Variants in MYSM1 observed in about 807,000 individuals in gnomAD.
The protein encoded by MYSM1 is Myb like, SWIRM and MPN domains 1.
Under a neutral mutation model 116.0 loss-of-function variants are expected in MYSM1, and 51 were observed. The ratio of observed to expected loss-of-function variants is 0.44; its 90% CI spans 0.35 to 0.56. The LOEUF (loss-of-function observed/expected upper bound fraction) is 0.56. Ranked by LOEUF, MYSM1 falls within the 20% of genes least tolerant of loss-of-function variation. The probability of loss-of-function intolerance (pLI) is 0.00; values close to 1 mark genes in which losing one functional copy is unlikely to be tolerated. For missense variants in MYSM1, 900 were observed against 974.9 expected, an observed-to-expected ratio of 0.92 and a Z score of 1.02; for synonymous variants, 313 against 315.2, an observed-to-expected ratio of 0.99 and a Z score of 0.07.
chr1:58,678,477 C>T (rs1644689036), intron 8 of MYSM1, among the ~76,000 whole-genome samples: 1 of 152,072 alleles, frequency 6.6e-6, no homozygotes, highest in South Asian at 2.1e-4. Context: ...AAAATATGTT[C>T]ATGGAATAAT....
Position 58,657,433 on chromosome 1 carries a change from C to T in MYSM1, c.*2564G>A, listed in dbSNP as rs1443392879. 1 of 152,166 alleles carries T rather than the reference C, an allele frequency of 6.6e-6. No homozygotes were observed. Among genetic ancestry groups the T allele is most frequent in the African/African-American group, 2.4e-5 (1 of 41,434 alleles). The allele number at this position is 152,166 out of a possible 1,614,324, so 9.4% of individuals were successfully genotyped here. ...CATAGGCCCCCTCAGTTCTAGACTT[C>T]CTCTGTGCTTCTACAAGGCCCTGGC... On this transcript the variant is annotated 3_prime_UTR_variant, in exon 20 of 20. Coordinates refer to ENST00000472487, the MANE Select transcript of MYSM1 (RefSeq NM_001085487.3).
chr1:58,695,246 A>T, intron 1 of MYSM1, 39 bp from the exon 2 acceptor site: 1 of 1,282,692 alleles, frequency 7.8e-7, no homozygotes. Flanking sequence ...AGTGAAAATC[A>T]TATTAGTTAA....
chr1:58,659,883 A>G lies in MYSM1; in HGVS notation c.*114T>C. On this transcript the variant is annotated 3_prime_UTR_variant, in exon 20 of 20. Coordinates refer to ENST00000472487, the MANE Select transcript of MYSM1 (RefSeq NM_001085487.3). ...TATGTGGCAAAGTTTGGATTTTGTG[A>G]AATAGAGAAAAAATACCAAAGCTGT... The G allele has an allele frequency of 1.4e-6, 1 of 730,984 alleles. No homozygotes were observed. Among genetic ancestry groups the G allele is most frequent in the Non-Finnish European group, 2.1e-6 (1 of 478,916 alleles). 45.3% of individuals were successfully genotyped at this position (730,984 alleles called of 1,614,324 possible). A position where few individuals can be genotyped will look rare whatever the true frequency, so the allele number is the denominator to read the frequency against.
Position 58,661,223 on chromosome 1 carries a change from C to T in MYSM1, c.2275G>A (p.Val759Ile), listed in dbSNP as rs772421753. The T allele has an allele frequency of 2.3e-5, 37 of 1,612,560 alleles. No homozygotes were observed. In the Middle Eastern group the frequency reaches 9.9e-4, roughly 43 times the overall value. ...IEKYRLSHSS[V>I]PMDKIFRRDS... ...CGGCGAAAGATTTTATCCATGGGGA[C>T]GCTGCTGTAGGAAGAAATATGAAAA... The change falls in exon 19 of 20, where the codon GTC becomes ATC. Residue 759 changes from valine (V) to isoleucine (I), a missense_variant. Around this residue, in one of 3 missense-constraint regions of MYSM1, gnomAD observed 186 missense variants for 196.2 expected, o/e 0.95. Coordinates refer to ENST00000472487, the MANE Select transcript of MYSM1 (RefSeq NM_001085487.3).
At chr1:58,670,500 A>G (rs1486213660) in intron 12 of MYSM1, among the ~76,000 whole-genome samples, 2 of 152,246 alleles carry the variant, frequency 1.3e-5, no homozygotes, top group African/African-American at 2.4e-5. Flanking sequence ...TCCTTAACCA[A>G]GTGAAGAGGT....
chr1:58,670,255 T>C (rs921627595), intron 12 of MYSM1, among the ~76,000 whole-genome samples: 11 of 152,068 alleles, frequency 7.2e-5, no homozygotes, highest in East Asian at 1.9e-4. Flanking sequence ...AAGGCCAAGA[T>C]AGATGAGAAA....
At chr1:58,699,424 GCCCAAGGTC>G (rs1265533311) in intron 1 of MYSM1, among the ~76,000 whole-genome samples, 1 of 152,154 alleles carries the variant, frequency 6.6e-6, no homozygotes, top group Non-Finnish European at 1.5e-5. Flanking sequence ...TAAGTGTCTT[GCCCAAGGTC>G]ACATTGCTAT....
chr1:58,698,944 G>C (rs1470589204), intron 1 of MYSM1, among the ~76,000 whole-genome samples: 2 of 152,126 alleles, frequency 1.3e-5, no homozygotes, highest in Non-Finnish European at 1.5e-5. Flanking sequence ...GTTCACAGAG[G>C]CCCTAATATT....
intron 8 of MYSM1, among the ~76,000 whole-genome samples, chr1:58,677,686 G>A (rs948166204): frequency 6.6e-5 from 10 of 152,090 alleles, no homozygotes; most frequent in African/African-American, 2.4e-4. Flanking sequence ...TATACTTAAT[G>A]TACCTTGCTA....
intron 10 of MYSM1, among the ~76,000 whole-genome samples, chr1:58,674,675 C>T (rs1436165732): frequency 2.0e-5 from 3 of 151,976 alleles, no homozygotes; most frequent in Admixed American, 6.5e-5. Flanking sequence ...CCTGTAATCC[C>T]AGCACTTCGG....
At chr1:58,691,771 G>C (rs1228809208) in intron 3 of MYSM1, among the ~76,000 whole-genome samples, 1 of 152,080 alleles carries the variant, frequency 6.6e-6, no homozygotes, top group East Asian at 1.9e-4. Context: ...GGAGGCTGAG[G>C]CAGGAGAATC....
chr1:58,699,797 T>C, intron 1 of MYSM1, 188 bp downstream of exon 1: 1 of 985,362 alleles, frequency 1.0e-6, no homozygotes, highest in Non-Finnish European at 1.2e-6. Flanking sequence ...GAGCTCCAGG[T>C]AACCGCCCTG....
intron 15 of MYSM1, 116 bp downstream of exon 15, chr1:58,667,731 C>CAT (rs964904069): frequency 1.2e-5 from 8 of 671,764 alleles, no homozygotes; most frequent in Non-Finnish European, 2.1e-5. Context: ...TGCATATTCT[C>CAT]ATATATATCA....
At chr1:58,678,203 T>C (rs1209720778) in intron 8 of MYSM1, among the ~76,000 whole-genome samples, 2 of 152,154 alleles carry the variant, frequency 1.3e-5, no homozygotes, top group Non-Finnish European at 2.9e-5. Context: ...TAGGCCTCAC[T>C]AAGCAGAATA....
chr1:58,672,051 G>T, intron 11 of MYSM1, 93 bp from the exon 12 acceptor site: 1 of 932,972 alleles, frequency 1.1e-6, no homozygotes, highest in South Asian at 1.5e-5. Flanking sequence ...GGGCATGTGA[G>T]GACAAGAGAG....
intron 1 of MYSM1, among the ~76,000 whole-genome samples, chr1:58,698,936 T>A (rs1645023082): frequency 6.6e-6 from 1 of 152,210 alleles, no homozygotes; most frequent in African/African-American, 2.4e-5. Context: ...TCTCCCCTGT[T>A]CACAGAGGCC....
intron 7 of MYSM1, 140 bp from the exon 8 acceptor site, chr1:58,682,685 CTTTTTTTTCT>C (rs1644765589): frequency 9.0e-6 from 3 of 332,340 alleles, no homozygotes; most frequent in Non-Finnish European, 1.4e-5. Flanking sequence ...ATGCGCTTTT[CTTTTTTTTCT>C]TTTCTTTTTT....
rs1374592754 is a variant in MYSM1 at position 58,658,503 on chromosome 1, TG to T, written c.*1493del. On this transcript the variant is annotated 3_prime_UTR_variant, in exon 20 of 20. Transcript: ENST00000472487. ...GAATTAAGGCTCAGGGAAAGTAAAC[TG>T]TATCTCCCCAAATCACAAAGTTGAG... The T allele has an allele frequency of 1.5e-4, 23 of 152,168 alleles. 1 individual carries two copies. Among genetic ancestry groups the T allele is most frequent in the African/African-American group, 5.3e-4 (22 of 41,458 alleles). The allele number at this position is 152,168 out of a possible 1,614,324, so 9.4% of individuals were successfully genotyped here. A position where few individuals can be genotyped will look rare whatever the true frequency, so the allele number is the denominator to read the frequency against.
At chr1:58,661,255 G>A in intron 18 of MYSM1, 28 bp from the exon 19 acceptor site, 1 of 1,576,246 alleles carries the variant, frequency 6.3e-7, no homozygotes, top group Non-Finnish European at 8.7e-7. Context: ...AAAACAAACT[G>A]GTGAAACGAA....
Sources: allele counts gnomAD v4.1 joint callset (sites outside exome capture counted in the v4.1 genomes callset), GRCh38; gene constraint gnomAD v4.1.1; regional missense constraint gnomAD v4.1.1; transcripts MANE v1.5; gene names NCBI Gene and HGNC (gene_info 2026-07-23, HGNC 2026-07-21).